Variants in GPC5 observed in about 807,000 individuals in gnomAD.
The protein encoded by GPC5 is glypican-5.
A neutral mutation model predicts 53.9 loss-of-function variants in GPC5; 47 were observed. The observed-to-expected ratio is 0.87, with a 90% CI of 0.69 to 1.11. The LOEUF (loss-of-function observed/expected upper bound fraction) is 1.11, where lower values mean the gene tolerates loss of function less well. Ranked by LOEUF, GPC5 falls within the 50% of genes most tolerant of loss-of-function variation. GPC5 has a pLI of 0.00. For synonymous variants in GPC5, 286 were observed against 263.3 expected (o/e 1.09, Z -0.84); for missense variants, 748 against 713.1 (o/e 1.05, Z -0.56).
At chr13:91,613,645 C>T (rs1460885746) in intron 2 of GPC5, among the ~76,000 whole-genome samples, 1 of 152,046 alleles carries the variant, frequency 6.6e-6, no homozygotes, top group Non-Finnish European at 1.5e-5. Flanking sequence ...ACAGAAAAAA[C>T]TACAAGGAAG....
At chr13:91,742,994 C>G (rs563193388) in intron 4 of GPC5, among the ~76,000 whole-genome samples, 1 of 152,002 alleles carries the variant, frequency 6.6e-6, no homozygotes, top group African/African-American at 2.4e-5. Context: ...GGCGCTTTGC[C>G]GAAGAGCTAG....
At chr13:91,724,692 A>G (rs1176072152) in intron 3 of GPC5, among the ~76,000 whole-genome samples, 1 of 151,966 alleles carries the variant, frequency 6.6e-6, no homozygotes, top group African/African-American at 2.4e-5. Flanking sequence ...CTACAAAAAA[A>G]TAAAAGGATA....
At chr13:91,633,846 G>A (rs1009113242) in intron 2 of GPC5, among the ~76,000 whole-genome samples, 2 of 152,090 alleles carry the variant, frequency 1.3e-5, no homozygotes, top group African/African-American at 4.8e-5. Context: ...ACTCTCAGAT[G>A]AGGATAATGA....
rs1211394320 is a variant in GPC5 at position 92,521,733 on chromosome 13, T to C, written c.1562-344549T>C. ...TAGGCATGGGCAAGGACTTCATGTC[T>C]AAAACACCAAAAGCAATGGCAACAG... On this transcript the variant is annotated intron_variant, in intron 7 of 7. Coordinates refer to ENST00000377067, the MANE Select transcript of GPC5 (RefSeq NM_004466.6). 2.0e-5 allele frequency among the ~76,000 whole-genome samples: 3 copies of C among 152,110 alleles called. No individual in the cohort carries two copies. In the East Asian group the frequency reaches 5.8e-4, roughly 29 times the overall value.
At chr13:91,554,694 T>C (rs1285534575) in intron 2 of GPC5, among the ~76,000 whole-genome samples, 1 of 152,106 alleles carries the variant, frequency 6.6e-6, no homozygotes, top group Non-Finnish European at 1.5e-5. Flanking sequence ...TGGGTCCTTC[T>C]GTAACTTCAG....
At chr13:92,769,986 TCCCCA>T (rs1875550692) in intron 7 of GPC5, among the ~76,000 whole-genome samples, 1 of 152,186 alleles carries the variant, frequency 6.6e-6, no homozygotes, top group African/African-American at 2.4e-5. Context: ...CCACTAAAAT[TCCCCA>T]TCAGTTGATT....
intron 3 of GPC5, among the ~76,000 whole-genome samples, chr13:91,716,299 A>AT (rs1475278809): frequency 1.3e-5 from 2 of 152,170 alleles, no homozygotes; most frequent in African/African-American, 4.8e-5. Context: ...GGTAGAAAGT[A>AT]TACACTTACA....
At chr13:92,004,850 T>C (rs764043090) in intron 6 of GPC5, among the ~76,000 whole-genome samples, 2 of 152,094 alleles carry the variant, frequency 1.3e-5, no homozygotes, top group Non-Finnish European at 2.9e-5. Context: ...GAGAACATTG[T>C]AGGGGAAACT....
chr13:91,790,799 G>A (rs1215155503), intron 5 of GPC5, among the ~76,000 whole-genome samples: 1 of 152,146 alleles, frequency 6.6e-6, no homozygotes. Context: ...ACAAATGTAT[G>A]TTAATGTATT....
intron 7 of GPC5, among the ~76,000 whole-genome samples, chr13:92,548,806 A>T (rs1270538793): frequency 6.6e-6 from 1 of 152,128 alleles, no homozygotes; most frequent in Non-Finnish European, 1.5e-5. Flanking sequence ...TCTGCTCTAC[A>T]AATTGGAAAC....
intron 7 of GPC5, among the ~76,000 whole-genome samples, chr13:92,536,507 G>A (rs9523709): frequency 0.68 from 103,287 of 152,004 alleles, 36,212 homozygotes; most frequent in African/African-American, 0.82. Context: ...ATTTATACAG[G>A]TGGCGCTGAG....
At chr13:91,826,637 A>C (rs1255558674) in intron 5 of GPC5, among the ~76,000 whole-genome samples, 1 of 152,108 alleles carries the variant, frequency 6.6e-6, no homozygotes, top group Non-Finnish European at 1.5e-5. Context: ...TTGACATCAA[A>C]GTTTAAATTA....
intron 2 of GPC5, among the ~76,000 whole-genome samples, chr13:91,527,412 C>A (rs1386581981): frequency 6.6e-6 from 1 of 152,232 alleles, no homozygotes; most frequent in Admixed American, 6.5e-5. Context: ...GTCTCACGTC[C>A]AGGGCACACT....
intron 7 of GPC5, among the ~76,000 whole-genome samples, chr13:92,434,889 T>C (rs781615641): frequency 1.3e-5 from 2 of 152,168 alleles, no homozygotes; most frequent in East Asian, 3.9e-4. Context: ...CGTTTTGCTA[T>C]CAATATAACC....
chr13:91,981,292 C>CTT (rs77671844), intron 6 of GPC5, among the ~76,000 whole-genome samples: 75 of 142,412 alleles, frequency 5.3e-4, no homozygotes, highest in African/African-American at 1.7e-3. Flanking sequence ...GAGTTCTTAC[C>CTT]TTTTTTTTTT....
chr13:92,421,312 C>A (rs554204862), intron 7 of GPC5, among the ~76,000 whole-genome samples: 1 of 152,258 alleles, frequency 6.6e-6, no homozygotes, highest in South Asian at 2.1e-4. Context: ...GACTGTGACT[C>A]TATGTCACAA....
chr13:92,150,114 A>C (rs1478434021), intron 7 of GPC5, among the ~76,000 whole-genome samples: 2 of 152,042 alleles, frequency 1.3e-5, no homozygotes, highest in Non-Finnish European at 2.9e-5. Context: ...CTATTTTTTC[A>C]ATAAGGCTTA....
chr13:92,832,377 C>T lies in GPC5; in HGVS notation c.1562-33905C>T, dbSNP rs985129954. Among the ~76,000 whole-genome samples, 12 of 152,304 alleles carry T rather than the reference C, an allele frequency of 7.9e-5. 1 individual carries two copies. In the South Asian group the frequency reaches 2.3e-3, roughly 29 times the overall value. On this transcript the variant is annotated intron_variant, in intron 7 of 7. Transcript: ENST00000377067. The stretch of plus-strand genomic sequence containing the variant: ...ACTAAAAACTAGAACACAAATTCTA[C>T]AAACTCAGTGGAGTAACTTTCCAAC...
At chr13:92,136,296 G>T (rs2041783632) in intron 6 of GPC5, among the ~76,000 whole-genome samples, 1 of 152,114 alleles carries the variant, frequency 6.6e-6, no homozygotes, top group South Asian at 2.1e-4. Context: ...CCATGAAATT[G>T]CAGATGCCAA....
Sources: allele counts gnomAD v4.1 joint callset (sites outside exome capture counted in the v4.1 genomes callset), GRCh38; gene constraint gnomAD v4.1.1; transcripts MANE v1.5; gene names NCBI Gene and HGNC (gene_info 2026-07-23, HGNC 2026-07-21).